The following EYS variants were observed in gnomAD, a reference collection of about 807,000 sequenced individuals.
EYS encodes protein eyes shut homolog.
EYS carries 250 observed loss-of-function variants against 282.1 expected under a neutral mutation model. The observed-to-expected ratio is 0.89, with a 90% CI of 0.80 to 0.98. The LOEUF (loss-of-function observed/expected upper bound fraction) is 0.98. Among genes scored for constraint, EYS ranks in the 50% least tolerant of loss-of-function variants. The pLI is 0.00. For synonymous variants in EYS, 1,355 were observed against 1,282.9 expected (o/e 1.06, Z -1.20); for missense variants, 4,016 against 3,709.0 (o/e 1.08, Z -2.15).
intron 31 of EYS, among the ~76,000 whole-genome samples, chr6:64,199,627 AGAGT>A (rs1765401153): frequency 6.6e-6 from 1 of 152,216 alleles, no homozygotes; most frequent in Admixed American, 6.5e-5. Context: ...AACCACCATC[AGAGT>A]GAACAGGCAA....
intron 28 of EYS, among the ~76,000 whole-genome samples, chr6:64,419,297 T>C (rs778173578): frequency 4.0e-5 from 6 of 151,768 alleles, no homozygotes; most frequent in Admixed American, 1.3e-4. Context: ...TCCCATGGGG[T>C]TCCCTCCACC....
At chr6:64,282,586 T>C (rs1352083900) in intron 30 of EYS, among the ~76,000 whole-genome samples, 1 of 152,174 alleles carries the variant, frequency 6.6e-6, no homozygotes, top group Non-Finnish European at 1.5e-5. Context: ...CTAAACATTC[T>C]GGGAGAGAAA....
intron 35 of EYS, among the ~76,000 whole-genome samples, chr6:63,931,852 T>C (rs772971310): frequency 1.2e-4 from 18 of 152,228 alleles, no homozygotes; most frequent in Non-Finnish European, 2.5e-4. Flanking sequence ...CCTACAGTGT[T>C]ATAGAATGCT....
At chr6:64,750,945 A>G (rs1351441521) in intron 22 of EYS, among the ~76,000 whole-genome samples, 3 of 152,118 alleles carry the variant, frequency 2.0e-5, no homozygotes, top group Non-Finnish European at 4.4e-5. Context: ...GTGCAGCAGC[A>G]CTGTCTCTGC....
intron 13 of EYS, among the ~76,000 whole-genome samples, chr6:65,004,039 T>A (rs1373642091): frequency 7.0e-6 from 1 of 142,340 alleles, no homozygotes; most frequent in African/African-American, 2.7e-5. Context: ...AAATTTATAT[T>A]TTTTTAGGAA....
intron 35 of EYS, among the ~76,000 whole-genome samples, chr6:63,895,652 AC>A (rs1773517246): frequency 6.6e-6 from 1 of 152,140 alleles, no homozygotes; most frequent in Non-Finnish European, 1.5e-5. Flanking sequence ...TCTTCCAACC[AC>A]CTCATCACAT....
chr6:64,402,571 T>C (rs1196390142), intron 28 of EYS, among the ~76,000 whole-genome samples: 1 of 152,180 alleles, frequency 6.6e-6, no homozygotes, highest in African/African-American at 2.4e-5. Context: ...GGTCTTTATG[T>C]TAGGATCAGA....
chr6:64,024,844 C>T (rs1769404764), intron 33 of EYS, among the ~76,000 whole-genome samples: 2 of 152,278 alleles, frequency 1.3e-5, no homozygotes, highest in African/African-American at 4.8e-5. Flanking sequence ...AAGGAACAAA[C>T]TCCCGACGCG....
intron 26 of EYS, among the ~76,000 whole-genome samples, chr6:64,473,034 A>T (rs1341341261): frequency 2.0e-5 from 3 of 152,194 alleles, no homozygotes; most frequent in Non-Finnish European, 4.4e-5. Flanking sequence ...TTTTGATGAA[A>T]AAATATGTTT....
chr6:63,935,746 A>G (rs1285113264), intron 35 of EYS, among the ~76,000 whole-genome samples: 1 of 152,216 alleles, frequency 6.6e-6, no homozygotes, highest in Admixed American at 6.5e-5. Flanking sequence ...TAAGTCATCC[A>G]GTCTGTGGTA....
At position 64,970,884 on chromosome 6, in the gene EYS, G is replaced by T. The variant is rs1452214257; in HGVS notation, c.2260-24970C>A. ...CTAAGAACCATTGTGATAAAGAAAA[G>T]AAAATTTGTGACACCATCACTGCAG... On this transcript the variant is annotated intron_variant, in intron 14 of 42. Coordinates refer to ENST00000503581, the MANE Select transcript of EYS (RefSeq NM_001142800.2). Among the ~76,000 whole-genome samples the T allele has an allele frequency of 3.3e-5, 5 of 152,236 alleles. No homozygotes were observed. The East Asian group carries it at 9.7e-4, about 30-fold the overall frequency.
intron 5 of EYS, among the ~76,000 whole-genome samples, chr6:65,483,482 C>A (rs143957870): frequency 1.3e-5 from 2 of 151,890 alleles, no homozygotes; most frequent in African/African-American, 2.4e-5. Flanking sequence ...CTGGTTGATA[C>A]GGCATTAGGA....
At chr6:64,799,405 A>G (rs927100825) in intron 22 of EYS, among the ~76,000 whole-genome samples, 3 of 151,812 alleles carry the variant, frequency 2.0e-5, no homozygotes, top group Non-Finnish European at 4.4e-5. Context: ...CTGAAACTTT[A>G]TGTACTTGTA....
intron 26 of EYS, among the ~76,000 whole-genome samples, chr6:64,504,812 G>A (rs762438515): frequency 2.6e-5 from 4 of 152,182 alleles, no homozygotes; most frequent in Non-Finnish European, 4.4e-5. Context: ...TGGCTAGTAA[G>A]AAACACTAGC....
intron 22 of EYS, among the ~76,000 whole-genome samples, chr6:64,776,965 C>T (rs1770005521): frequency 6.6e-6 from 1 of 152,136 alleles, no homozygotes; most frequent in Admixed American, 6.6e-5. Context: ...CACAGTTCGG[C>T]ATGGCTGCGG....
intron 12 of EYS, among the ~76,000 whole-genome samples, chr6:65,115,287 A>T (rs1258905970): frequency 1.3e-5 from 2 of 152,084 alleles, no homozygotes; most frequent in Non-Finnish European, 2.9e-5. Context: ...TCCTATGACC[A>T]TTGAAGTTTT....
chr6:64,902,309 T>A (rs1767692675), intron 17 of EYS, 89 bp from the exon 18 acceptor site: 1 of 1,304,156 alleles, frequency 7.7e-7, no homozygotes, highest in African/African-American at 1.5e-5. Context: ...TTTTTAATAA[T>A]TATAATTGTT....
At chr6:63,961,198 A>G (rs1766042041) in intron 35 of EYS, among the ~76,000 whole-genome samples, 1 of 152,210 alleles carries the variant, frequency 6.6e-6, no homozygotes, top group South Asian at 2.1e-4. Context: ...GGAAGGTGTC[A>G]GGCCTCTGGG....
At chr6:64,174,584 T>C (rs1199589212) in intron 31 of EYS, among the ~76,000 whole-genome samples, 1 of 151,722 alleles carries the variant, frequency 6.6e-6, no homozygotes, top group Non-Finnish European at 1.5e-5. Context: ...TAAAATATTA[T>C]AATCATTTTT....
Sources: gnomAD v4.1 joint callset for allele counts (sites outside exome capture counted in the v4.1 genomes callset) on GRCh38, gnomAD v4.1.1 for gene constraint, MANE v1.5 for transcripts, NCBI Gene and HGNC (gene_info 2026-07-23, HGNC 2026-07-21) for gene names.